The following PPFIBP1 variants were observed in gnomAD, a reference collection of about 807,000 sequenced individuals.
The protein encoded by PPFIBP1 is PPFIB scaffold protein 1.
A neutral mutation model predicts 137.8 loss-of-function variants in PPFIBP1; 112 were observed. That is an observed-to-expected ratio of 0.81 (90% CI 0.70 to 0.95). The LOEUF (loss-of-function observed/expected upper bound fraction) is 0.95, where lower values mean the gene tolerates loss of function less well. PPFIBP1 is among the 40% of genes least tolerant of loss of function. PPFIBP1 has a pLI of 0.00. For missense variants in PPFIBP1, 1,083 were observed against 1,196.6 expected, an observed-to-expected ratio of 0.91 and a Z score of 1.40; for synonymous variants, 378 against 417.3, an observed-to-expected ratio of 0.91 and a Z score of 1.15.
At chr12:27,561,139 G>GTCCCTC (rs2049128201) in intron 1 of PPFIBP1, among the ~76,000 whole-genome samples, 1 of 152,166 alleles carries the variant, frequency 6.6e-6, no homozygotes, top group Non-Finnish European at 1.5e-5. Flanking sequence ...GAGAGAAAAG[G>GTCCCTC]CCTCTGGGAG....
intron 2 of PPFIBP1, among the ~76,000 whole-genome samples, chr12:27,595,885 AAAT>A (rs2053198455): frequency 2.6e-5 from 3 of 116,280 alleles, no homozygotes; most frequent in African/African-American, 3.7e-5. Context: ...AACAACAACA[AAAT>A]ATATATATAT....
intron 1 of PPFIBP1, among the ~76,000 whole-genome samples, chr12:27,524,662 A>G (rs1276807727): frequency 6.6e-6 from 1 of 151,916 alleles, no homozygotes; most frequent in Non-Finnish European, 1.5e-5. Context: ...GAGAACCCCA[A>G]CCAGAGGGGC....
chr12:27,688,528 C>A, intron 26 of PPFIBP1, 105 bp downstream of exon 26: 2 of 1,340,654 alleles, frequency 1.5e-6, no homozygotes, highest in South Asian at 2.8e-5. Context: ...TCATCTGACT[C>A]AACCCTCCTG....
At chr12:27,571,890 G>A (rs576237021) in intron 1 of PPFIBP1, among the ~76,000 whole-genome samples, 1 of 152,244 alleles carries the variant, frequency 6.6e-6, no homozygotes, top group South Asian at 2.1e-4. Flanking sequence ...AGGTATGGGT[G>A]CCTGAATTTT....
At chr12:27,623,339 T>A (rs1180100018) in intron 2 of PPFIBP1, among the ~76,000 whole-genome samples, 1 of 152,176 alleles carries the variant, frequency 6.6e-6, no homozygotes, top group African/African-American at 2.4e-5. Context: ...GCATGAAATT[T>A]CAGTTTTTAA....
chr12:27,652,417 G>A (rs12580726), intron 7 of PPFIBP1, among the ~76,000 whole-genome samples: 14,320 of 152,220 alleles, frequency 0.094, 952 homozygotes, highest in African/African-American at 0.18. Context: ...TTCTCTGAAA[G>A]GGAAAAGAGA....
Position 27,675,692 on chromosome 12 carries a change from G to T in PPFIBP1, c.1411-736G>T, listed in dbSNP as rs564207754. Among the ~76,000 whole-genome samples the T allele has an allele frequency of 8.5e-5, 13 of 152,268 alleles. No individual in the cohort carries two copies. The East Asian group carries it at 2.5e-3, about 29-fold the overall frequency. On this transcript the variant is annotated intron_variant, in intron 17 of 29. Transcript: ENST00000228425. ...CAAAAATCAACTCAAGATGGATTAA[G>T]AACTTACATATAAGACCAGAAACTA...
chr12:27,536,676 A>G (rs1253669611), intron 1 of PPFIBP1, among the ~76,000 whole-genome samples: 1 of 152,178 alleles, frequency 6.6e-6, no homozygotes, highest in Non-Finnish European at 1.5e-5. Context: ...CCAAACATCC[A>G]AATCATATCA....
intron 2 of PPFIBP1, among the ~76,000 whole-genome samples, chr12:27,609,997 A>G (rs1410237702): frequency 1.3e-5 from 2 of 152,156 alleles, no homozygotes; most frequent in African/African-American, 4.8e-5. Flanking sequence ...GAGCCTGTGC[A>G]ATTTAGAAAA....
intron 2 of PPFIBP1, among the ~76,000 whole-genome samples, chr12:27,591,196 G>A (rs1225819933): frequency 2.0e-5 from 3 of 151,904 alleles, no homozygotes; most frequent in Non-Finnish European, 4.4e-5. Context: ...TAAGGGAATT[G>A]AAATTGAGGA....
intron 2 of PPFIBP1, among the ~76,000 whole-genome samples, chr12:27,613,286 A>G (rs1465671008): frequency 6.6e-6 from 1 of 152,258 alleles, no homozygotes; most frequent in African/African-American, 2.4e-5. Flanking sequence ...TGGTTCTGGC[A>G]TTTGACCTCT....
intron 1 of PPFIBP1, among the ~76,000 whole-genome samples, chr12:27,544,912 TTAC>T (rs2136081547): frequency 6.6e-6 from 1 of 152,274 alleles, no homozygotes; most frequent in South Asian, 2.1e-4. Context: ...ATAAGTAATT[TTAC>T]TATAAAGATA....
intron 2 of PPFIBP1, among the ~76,000 whole-genome samples, chr12:27,622,974 T>G (rs1370360897): frequency 6.6e-6 from 1 of 152,232 alleles, no homozygotes; most frequent in African/African-American, 2.4e-5. Context: ...GGTGCTCATG[T>G]ATAGGAATTT....
chr12:27,677,385 G>A (rs1412670429), intron 19 of PPFIBP1: 4 of 487,842 alleles, frequency 8.2e-6, no homozygotes, highest in African/African-American at 1.9e-5. Context: ...GAATGTCCTG[G>A]CATTGTACAT....
rs756027316 is a variant in PPFIBP1 at position 27,688,249 on chromosome 12, A to G, written c.2371-49A>G. ...GTACTCCATGGAGCAGACTTTTTAG[A>G]CAGAAAATGCAATTTAATATTTAGG... On this transcript the variant is annotated intron_variant, in intron 25 of 29. Coordinates refer to ENST00000228425, the MANE Select transcript of PPFIBP1 (RefSeq NM_003622.4). 1.9e-6 allele frequency: 3 copies of G among 1,594,968 alleles called. No homozygotes were observed. The African/African-American group carries it at 4.0e-5, about 21-fold the overall frequency.
chr12:27,669,800 C>T (rs751080083), intron 13 of PPFIBP1, among the ~76,000 whole-genome samples: 3 of 152,194 alleles, frequency 2.0e-5, no homozygotes, highest in Non-Finnish European at 4.4e-5. Context: ...GAGACCACCA[C>T]TGAATAACAT....
chr12:27,647,446 G>A (rs1238359105), intron 5 of PPFIBP1, among the ~76,000 whole-genome samples: 1 of 152,220 alleles, frequency 6.6e-6, no homozygotes, highest in Non-Finnish European at 1.5e-5. Flanking sequence ...TTCTGTACAT[G>A]CTGTCTTTCA....
At chr12:27,619,346 A>C (rs1565882443) in intron 2 of PPFIBP1, among the ~76,000 whole-genome samples, 1 of 152,244 alleles carries the variant, frequency 6.6e-6, no homozygotes, top group Non-Finnish European at 1.5e-5. Context: ...TTAGGGAATA[A>C]TGACAAGAAA....
intron 2 of PPFIBP1, among the ~76,000 whole-genome samples, chr12:27,600,221 T>C (rs1035589082): frequency 2.7e-4 from 41 of 152,244 alleles, no homozygotes; most frequent in African/African-American, 9.1e-4. Context: ...GTGGATCACC[T>C]GAGGTCAGGA....
Sources: gnomAD v4.1 joint callset for allele counts (sites outside exome capture counted in the v4.1 genomes callset) on GRCh38, gnomAD v4.1.1 for gene constraint, MANE v1.5 for transcripts, NCBI Gene and HGNC (gene_info 2026-07-23, HGNC 2026-07-21) for gene names.